TMEM222: variants seen among roughly 807,000 people sequenced by gnomAD.
The protein encoded by TMEM222 is transmembrane protein 222.
Under a neutral mutation model 25.1 loss-of-function variants are expected in TMEM222, and 18 were observed. The ratio of observed to expected loss-of-function variants is 0.72; its 90% confidence interval spans 0.50 to 1.06. The LOEUF is 1.06. Among genes scored for constraint, TMEM222 ranks in the 50% least tolerant of loss-of-function variants. The pLI is 0.00. For missense variants in TMEM222, 296 were observed against 293.7 expected, an observed-to-expected ratio of 1.01 and a Z score of -0.06; for synonymous variants, 131 against 117.9, an observed-to-expected ratio of 1.11 and a Z score of -0.72.
intron 1 of TMEM222, among the ~76,000 whole-genome samples, chr1:27,330,120 C>T (rs1247834603): frequency 6.6e-6 from 1 of 150,376 alleles, no homozygotes; most frequent in Non-Finnish European, 1.5e-5. Flanking sequence ...AATGGTAGGC[C>T]GGGTGCAGTG....
At chr1:27,330,396 GA>G (rs1328997336) in intron 1 of TMEM222, among the ~76,000 whole-genome samples, 129 of 138,908 alleles carry the variant, frequency 9.3e-4, no homozygotes, top group East Asian at 4.7e-3. Context: ...GACTCCATTT[GA>G]AAAAAAAAAA....
At chr1:27,334,931 G>T (rs569048253) in intron 5 of TMEM222, 13 of 613,088 alleles carry the variant, frequency 2.1e-5, no homozygotes, top group Non-Finnish European at 2.8e-5. Flanking sequence ...CAGCTGCTTG[G>T]CTCCAGCCAC....
rs78299465 is a variant in TMEM222, at chr1:27,326,715, C to T, written c.195-4005C>T. Among the ~76,000 whole-genome samples the T allele has an allele frequency of 6.6e-3, 1,010 of 152,228 alleles. 13 individuals carry two copies. Among genetic ancestry groups the T allele is most frequent in the African/African-American group, 0.023 (971 of 41,534 alleles). ...GTAAGGCTTAGAAGCCAGTGTGGTG[C>T]TCTTTTGCTGAGTTAGCCTACCTTC... On this transcript the variant is annotated intron_variant, in intron 1 of 5. Coordinates refer to ENST00000374076, the MANE Select transcript of TMEM222 (RefSeq NM_032125.3).
intron 1 of TMEM222, chr1:27,325,582 T>C (rs1484560109): frequency 3.8e-6 from 4 of 1,044,112 alleles, no homozygotes; most frequent in Non-Finnish European, 6.0e-6. Flanking sequence ...GGCACCACCA[T>C]GTACCCGGGC....
intron 3 of TMEM222, 122 bp downstream of exon 3, chr1:27,332,223 A>T: frequency 8.2e-7 from 1 of 1,226,100 alleles, no homozygotes; most frequent in East Asian, 2.3e-5. Context: ...GGGTCGGGGG[A>T]GAGGTCAGCC....
At chr1:27,334,423 T>A in intron 5 of TMEM222, 142 bp downstream of exon 5, 1 of 1,377,278 alleles carries the variant, frequency 7.3e-7, no homozygotes, top group Non-Finnish European at 9.8e-7. Flanking sequence ...GGTTCTAGAG[T>A]GACGAGCTGA....
intron 1 of TMEM222, among the ~76,000 whole-genome samples, chr1:27,324,375 C>G (rs1362672179): frequency 6.6e-6 from 1 of 152,222 alleles, no homozygotes; most frequent in African/African-American, 2.4e-5. Flanking sequence ...TATTGGTTTT[C>G]TTAAAACCTG....
intron 1 of TMEM222, among the ~76,000 whole-genome samples, chr1:27,327,585 C>T (rs543887453): frequency 2.0e-5 from 3 of 152,302 alleles, no homozygotes; most frequent in South Asian, 2.1e-4. Context: ...GACAGGGTTT[C>T]GCCATGTTTC....
At position 27,335,519 on chromosome 1, in the gene TMEM222, C is replaced by G; in HGVS notation, c.*53C>G. ...AGGGTCCCGAGGAAACAGCCGCCAT[C>G]CCTTTTGGTTCCAGATTTTTTTCTC... On this transcript the variant is annotated 3_prime_UTR_variant, in exon 6 of 6. Coordinates refer to ENST00000374076, the MANE Select transcript of TMEM222 (RefSeq NM_032125.3). The G allele has an allele frequency of 6.3e-7, 1 of 1,581,986 alleles. No homozygotes were observed. Among genetic ancestry groups the G allele is most frequent in the Non-Finnish European group, 8.7e-7 (1 of 1,152,076 alleles).
At chr1:27,334,946 C>A in intron 5 of TMEM222, 1 of 484,272 alleles carries the variant, frequency 2.1e-6, no homozygotes, top group Non-Finnish European at 3.0e-6. Context: ...AGCCACAACA[C>A]TGCTGACCCT....
chr1:27,325,683 G>A lies in TMEM222; in HGVS notation c.194+3292G>A, dbSNP rs575128096. The A allele has an allele frequency of 2.6e-5, 22 of 833,350 alleles. No homozygotes were observed. In the Admixed American group the frequency reaches 3.1e-4, roughly 12 times the overall value. 51.6% of individuals were successfully genotyped at this position (833,350 alleles called of 1,614,324 possible). A position where few individuals can be genotyped will look rare whatever the true frequency, so the allele number is the denominator to read the frequency against. ...TGTGCCCCCAGAGTGCAAGTACTCT[G>A]TGTGGATCAGCGGCTCCATCCTGGC... On this transcript the variant is annotated intron_variant, in intron 1 of 5. Coordinates refer to ENST00000374076, the MANE Select transcript of TMEM222 (RefSeq NM_032125.3).
At position 27,330,824 on chromosome 1, in the gene TMEM222, AC is replaced by A; in HGVS notation, c.279+23del. 6.2e-7 allele frequency: 1 copy of A among 1,613,274 alleles called. No individual in the cohort carries two copies. Among genetic ancestry groups the A allele is most frequent in the Non-Finnish European group, 8.5e-7 (1 of 1,179,392 alleles). ...GTCTCAGTGAGTCCCCATTCTGCCC[AC>A]CCGGGGGGTTCCAAGGTTTAAGTGG... On this transcript the variant is annotated intron_variant, in intron 2 of 5. Coordinates refer to ENST00000374076, the MANE Select transcript of TMEM222 (RefSeq NM_032125.3).
In TMEM222 at chr1:27,330,633, C is replaced by T. The variant is rs1423010016; in HGVS notation, c.195-87C>T. 1.6e-5 allele frequency: 18 copies of T among 1,108,066 alleles called. No homozygotes were observed. In the East Asian group the frequency reaches 3.8e-4, roughly 23 times the overall value. The allele number at this position is 1,108,066 out of a possible 1,614,324, so 68.6% of individuals were successfully genotyped here. On this transcript the variant is annotated intron_variant, in intron 1 of 5. Transcript: ENST00000374076. ...AATGAAACGTAATATTCACATGCTTCTGTACTGTATGAAGGGTCCCCAGCG... is the reference window on the plus strand; with the variant it reads ...AATGAAACGTAATATTCACATGCTTTTGTACTGTATGAAGGGTCCCCAGCG...
At chr1:27,326,424 T>A (rs959829836) in intron 1 of TMEM222, among the ~76,000 whole-genome samples, 1 of 152,158 alleles carries the variant, frequency 6.6e-6, no homozygotes, top group Non-Finnish European at 1.5e-5. Context: ...CTCGATTCTT[T>A]AAGGAGATGA....
chr1:27,324,182 G>A (rs559034289), intron 1 of TMEM222, among the ~76,000 whole-genome samples: 3 of 152,138 alleles, frequency 2.0e-5, no homozygotes, highest in Non-Finnish European at 2.9e-5. Flanking sequence ...AAAATTAGCC[G>A]GGGTGGTGGC....
At chr1:27,334,710 C>T in intron 5 of TMEM222, 1 of 1,351,684 alleles carries the variant, frequency 7.4e-7, no homozygotes, top group East Asian at 4.2e-5. Flanking sequence ...CCCATGGTCG[C>T]CACAGCATGG....
At chr1:27,325,813 T>G in intron 1 of TMEM222, 1 of 800,400 alleles carries the variant, frequency 1.2e-6, no homozygotes, top group Non-Finnish European at 2.3e-6. Flanking sequence ...TGCGAGCCGA[T>G]GCGTAGCATT....
At chr1:27,331,127 A>C in intron 2 of TMEM222, 1 of 1,196,068 alleles carries the variant, frequency 8.4e-7, no homozygotes, top group Admixed American at 4.3e-5. Context: ...ACATCTCTGG[A>C]CCTTCAGAAG....
intron 3 of TMEM222, chr1:27,332,726 G>C: frequency 3.4e-6 from 2 of 583,388 alleles, no homozygotes; most frequent in Non-Finnish European, 6.2e-6. Flanking sequence ...GGAGGAGTTG[G>C]TGTCCCACAC....
Sources: gnomAD v4.1 joint callset for allele counts (sites outside exome capture counted in the v4.1 genomes callset) on GRCh38, gnomAD v4.1.1 for gene constraint, MANE v1.5 for transcripts, NCBI Gene and HGNC (gene_info 2026-07-23, HGNC 2026-07-21) for gene names.